Variants in LINGO2 observed in about 807,000 individuals in gnomAD.
LINGO2 encodes leucine rich repeat and Ig domain containing 2, also known as leucine-rich repeat and immunoglobulin-like domain-containing nogo receptor-interacting protein 2.
Under a neutral mutation model 30.6 loss-of-function variants are expected in LINGO2, and 14 were observed. The observed-to-expected ratio is 0.46, with a 90% CI of 0.30 to 0.72. The LOEUF is 0.72. Among genes scored for constraint, LINGO2 ranks in the 30% least tolerant of loss-of-function variants. The pLI is 0.07. For synonymous variants in LINGO2, 317 were observed against 288.5 expected (o/e 1.10, Z -1.00); for missense variants, 729 against 751.7 (o/e 0.97, Z 0.35).
the LINGO2 span, among the ~76,000 whole-genome samples, chr9:28,820,902 A>G: frequency 6.6e-6 from 1 of 152,304 alleles, no homozygotes; most frequent in East Asian, 1.9e-4. Flanking sequence ...CCATACCCAC[A>G]CACACACTTG....
downstream of LINGO2, among the ~76,000 whole-genome samples, chr9:27,945,120 T>C (rs1035573736): frequency 1.3e-5 from 2 of 152,084 alleles, no homozygotes; most frequent in Non-Finnish European, 2.9e-5. Context: ...TCTGAGTACA[T>C]CCCCTGAAGT....
intron 4 of LINGO2, among the ~76,000 whole-genome samples, chr9:28,033,953 C>CA (rs1823806886): frequency 6.6e-6 from 1 of 152,194 alleles, no homozygotes; most frequent in South Asian, 2.1e-4. Context: ...AAACACACTT[C>CA]AATATCACCT....
intron 4 of LINGO2, among the ~76,000 whole-genome samples, chr9:28,079,178 A>G (rs1468383345): frequency 1.3e-5 from 2 of 152,056 alleles, no homozygotes; most frequent in Non-Finnish European, 2.9e-5. Context: ...CACAATCCCA[A>G]CTGCCTAAAA....
At chr9:28,386,613 C>G (rs2134662136) in intron 2 of LINGO2, among the ~76,000 whole-genome samples, 1 of 152,158 alleles carries the variant, frequency 6.6e-6, no homozygotes, top group South Asian at 2.1e-4. Context: ...TCTTTTAAAA[C>G]AATCATAGTT....
At chr9:28,471,499 C>A (rs1587718401) in intron 2 of LINGO2, among the ~76,000 whole-genome samples, 1 of 152,224 alleles carries the variant, frequency 6.6e-6, no homozygotes, top group East Asian at 1.9e-4. Flanking sequence ...ATCCCACCTC[C>A]CAACACTGCT....
At chr9:28,601,542 AGAGTGTGTGGCAATT>A (rs1221177500) in intron 1 of LINGO2, among the ~76,000 whole-genome samples, 1 of 120,268 alleles carries the variant, frequency 8.3e-6, no homozygotes, top group Non-Finnish European at 1.7e-5. Flanking sequence ...TCACTCAATC[AGAGTGTGTGGCAATT>A]GAGTGAGTGG....
chr9:28,846,700 C>T, the LINGO2 span, among the ~76,000 whole-genome samples: 1 of 147,516 alleles, frequency 6.8e-6, no homozygotes, highest in Non-Finnish European at 1.5e-5. Flanking sequence ...GTTCTAATTA[C>T]CATCTCTGGG....
At chr9:28,832,181 G>A in the LINGO2 span, among the ~76,000 whole-genome samples, 1 of 152,106 alleles carries the variant, frequency 6.6e-6, no homozygotes, top group South Asian at 2.1e-4. Flanking sequence ...TATCAATAAA[G>A]AAAAGCAGTT....
At chr9:28,972,923 C>T in the LINGO2 span, among the ~76,000 whole-genome samples, 4 of 152,040 alleles carry the variant, frequency 2.6e-5, no homozygotes, top group Admixed American at 6.6e-5. Flanking sequence ...TCCCACAACA[C>T]GTGGGGATTA....
the LINGO2 span, among the ~76,000 whole-genome samples, chr9:28,732,646 T>C: frequency 2.0e-5 from 3 of 152,070 alleles, no homozygotes; most frequent in Non-Finnish European, 4.4e-5. Flanking sequence ...TAATTAAAAA[T>C]CAAAATTCAA....
chr9:28,389,464 T>C (rs996175113), intron 2 of LINGO2, among the ~76,000 whole-genome samples: 4 of 152,206 alleles, frequency 2.6e-5, no homozygotes, highest in Admixed American at 1.3e-4. Context: ...CTGGGTTAGA[T>C]CCCCACCTTC....
intron 4 of LINGO2, among the ~76,000 whole-genome samples, chr9:28,038,490 G>C (rs1054408923): frequency 6.6e-6 from 1 of 152,042 alleles, no homozygotes; most frequent in African/African-American, 2.4e-5. Flanking sequence ...TCAGGAGATC[G>C]AGACCATCCC....
At chr9:28,637,426 C>A (rs936008789) in intron 1 of LINGO2, among the ~76,000 whole-genome samples, 14 of 152,172 alleles carry the variant, frequency 9.2e-5, no homozygotes, top group African/African-American at 3.4e-4. Flanking sequence ...TGGCCATTTT[C>A]ATGATATTAA....
the LINGO2 span, among the ~76,000 whole-genome samples, chr9:28,740,856 C>A: frequency 6.6e-6 from 1 of 152,004 alleles, no homozygotes; most frequent in East Asian, 1.9e-4. Flanking sequence ...ACCATGGTCA[C>A]CATGTGTACA....
At chr9:28,679,764 C>G in the LINGO2 span, among the ~76,000 whole-genome samples, 1 of 151,856 alleles carries the variant, frequency 6.6e-6, no homozygotes, top group Non-Finnish European at 1.5e-5. Flanking sequence ...CCTGCTTTTT[C>G]AAGAATATTA....
intron 4 of LINGO2, among the ~76,000 whole-genome samples, chr9:28,082,744 C>A (rs904238091): frequency 1.3e-5 from 2 of 152,078 alleles, no homozygotes; most frequent in Non-Finnish European, 2.9e-5. Context: ...TCTCACTGTC[C>A]TTCCCTCTCT....
At chr9:27,949,444 G>A (rs199551773) in exon 6 of LINGO2, 63 of 1,613,890 alleles carry the variant, frequency 3.9e-5, no homozygotes, top group Non-Finnish European at 5.0e-5. Context: ...CGGATTTTGG[G>A]TTTTTTGCAG....
At chr9:29,083,935 C>G in the LINGO2 span, among the ~76,000 whole-genome samples, 42 of 152,046 alleles carry the variant, frequency 2.8e-4, no homozygotes, top group African/African-American at 7.5e-4. Context: ...TACCTGGTAC[C>G]TTGATACTTT....
At chr9:28,964,983 A>T in the LINGO2 span, among the ~76,000 whole-genome samples, 1 of 151,886 alleles carries the variant, frequency 6.6e-6, no homozygotes, top group Non-Finnish European at 1.5e-5. Flanking sequence ...TATATAAAAA[A>T]TATACAATTT....
Sources: gnomAD v4.1 joint callset for allele counts (sites outside exome capture counted in the v4.1 genomes callset) on GRCh38, gnomAD v4.1.1 for gene constraint, MANE v1.5 for transcripts, NCBI Gene and HGNC (gene_info 2026-07-23, HGNC 2026-07-21) for gene names.